Variants in BSN observed in about 807,000 individuals in gnomAD.
BSN encodes the protein protein bassoon.
BSN carries 57 observed loss-of-function variants against 264.8 expected under a neutral mutation model. The observed-to-expected ratio is 0.22, with a 90% CI of 0.17 to 0.27. The LOEUF is 0.27. BSN is among the 10% of genes least tolerant of loss of function. The probability of loss-of-function intolerance (pLI) is 1.00; values close to 1 mark genes in which losing one functional copy is unlikely to be tolerated. For missense variants in BSN, 4,615 were observed against 5,232.5 expected, an observed-to-expected ratio of 0.88 and a Z score of 3.64; for synonymous variants, 2,059 against 2,137.3, an observed-to-expected ratio of 0.96 and a Z score of 1.01.
intron 1 of BSN, among the ~76,000 whole-genome samples, chr3:49,610,121 G>T (rs2108044735): frequency 6.6e-6 from 1 of 152,230 alleles, no homozygotes; most frequent in South Asian, 2.1e-4. Context: ...GGTTTTCTGA[G>T]ACTCTGCCAG....
At chr3:49,667,151 A>G (rs1359568949) in intron 11 of BSN, among the ~76,000 whole-genome samples, 1 of 152,160 alleles carries the variant, frequency 6.6e-6, no homozygotes, top group African/African-American at 2.4e-5. Context: ...ATAGTTAAAG[A>G]AATCTCCCTT....
chr3:49,667,860 C>T lies in BSN; in HGVS notation c.*375C>T, dbSNP rs531601441. 3 of 152,626 alleles carry T rather than the reference C, an allele frequency of 2.0e-5. No individual in the cohort carries two copies. The highest frequency in any genetic ancestry group is 4.4e-5 in the Non-Finnish European group (3 of 68,038). The allele number at this position is 152,626 out of a possible 1,614,324, so 9.5% of individuals were successfully genotyped here. A position where few individuals can be genotyped will look rare whatever the true frequency, so the allele number is the denominator to read the frequency against. ...GGTGTCTTGCCGTACTTCCCACAGC[C>T]GCCTTTTTGCGGCCTGGCCGGCCAG... On this transcript the variant is annotated 3_prime_UTR_variant, in exon 12 of 12. Transcript: ENST00000296452.
chr3:49,659,184 T>A (rs898384220), intron 5 of BSN, among the ~76,000 whole-genome samples: 1 of 151,812 alleles, frequency 6.6e-6, no homozygotes, highest in African/African-American at 2.4e-5. Flanking sequence ...GAGGTGATAA[T>A]CTTGGGTAGT....
intron 1 of BSN, among the ~76,000 whole-genome samples, chr3:49,618,618 C>T (rs1029605902): frequency 3.9e-5 from 6 of 152,358 alleles, no homozygotes; most frequent in Admixed American, 3.9e-4. Flanking sequence ...CAATGACTTA[C>T]GTCTTCCAAG....
intron 3 of BSN, among the ~76,000 whole-genome samples, chr3:49,647,115 A>G (rs1273554407): frequency 6.6e-6 from 1 of 152,206 alleles, no homozygotes; most frequent in African/African-American, 2.4e-5. Flanking sequence ...CACCATAACC[A>G]TACTGGCATG....
In BSN at chr3:49,624,994, C is replaced by T. The variant is rs2052331447; in HGVS notation, c.244C>T (p.Pro82Ser). 6.5e-7 allele frequency: 1 copy of T among 1,530,406 alleles called. No individual in the cohort carries two copies. The highest frequency in any genetic ancestry group is 8.8e-7 in the Non-Finnish European group (1 of 1,140,596). The allele number at this position is 1,530,406 out of a possible 1,614,324, so 94.8% of individuals were successfully genotyped here. ...GPGSTSRRLDPKEPLGNQRAA... is the reference protein window; with the variant it reads ...GPGSTSRRLDSKEPLGNQRAA... ...TTTCAGCACTTCCCGGAGACTGGAC[C>T]CCAAGGAACCCCTGGGTAACCAGAG... Residue 82 changes from proline (P) to serine (S), a missense_variant, in exon 2 of 12, where the codon CCC (proline) becomes TCC (serine). Pro to Ser is a moderately conservative substitution (Grantham distance 74). Around this residue, in one of 3 missense-constraint regions of BSN, gnomAD observed 1,197 missense variants for 1,348.0 expected, o/e 0.89. Transcript: ENST00000296452.
chr3:49,607,838 G>A (rs1031210482), intron 1 of BSN, among the ~76,000 whole-genome samples: 2 of 152,236 alleles, frequency 1.3e-5, no homozygotes, highest in Admixed American at 6.5e-5. Flanking sequence ...GTATACCAGA[G>A]GGAGGGCCTC....
At position 49,658,165 on chromosome 3, in the gene BSN, T is replaced by C. The variant is rs749575409; in HGVS notation, c.8609T>C (p.Leu2870Pro). The part of the protein sequence containing the change: ...AEESAKERFS[L>P]YQHQGGLGSQ... ...GAGTCTGCCAAAGAGAGATTCTCCC[T>C]CTACCAGCACCAGGGGGGACTGGGT... The change falls in exon 5 of 12, where the codon CTC (leucine) becomes CCC (proline). Residue 2870 changes from leucine (L) to proline (P), a missense_variant. Around this residue, in one of 3 missense-constraint regions of BSN, gnomAD observed 3,415 missense variants for 3,866.4 expected, o/e 0.88. Transcript: ENST00000296452. 1.4e-5 allele frequency: 22 copies of C among 1,587,220 alleles called. No individual in the cohort carries two copies. The highest frequency in any genetic ancestry group is 1.7e-5 in the Non-Finnish European group (20 of 1,162,404).
rs1472432203 is a variant in BSN at position 49,655,114 on chromosome 3, C to A, written c.5558C>A (p.Ala1853Asp). The change falls in exon 5 of 12, where the codon GCT becomes GAT. Residue 1853 changes from alanine to aspartate, a missense_variant. By Grantham distance (126) the Ala-to-Asp change is moderately radical (BLOSUM62 -2). Around this residue, in one of 3 missense-constraint regions of BSN, gnomAD observed 3,415 missense variants for 3,866.4 expected, o/e 0.88. Coordinates refer to ENST00000296452, the MANE Select transcript of BSN (RefSeq NM_003458.4). ...RATPAELRSH[A>D]LPGARKPHTV... ...ACCCCTGCAGAGCTGCGGTCACATG[C>A]TCTGCCAGGTGCCAGGAAGCCACAC... 1.2e-6 allele frequency: 2 copies of A among 1,612,460 alleles called. No homozygotes were observed. Among genetic ancestry groups the A allele is most frequent in the African/African-American group, 1.3e-5 (1 of 74,944 alleles).
At chr3:49,597,884 C>G (rs1366547356) in intron 1 of BSN, among the ~76,000 whole-genome samples, 29 of 152,152 alleles carry the variant, frequency 1.9e-4, no homozygotes, top group Non-Finnish European at 2.9e-5. Context: ...ACCTCGTGAT[C>G]CACCTGCCTT....
At chr3:49,626,634 A>G (rs1406881941) in intron 2 of BSN, among the ~76,000 whole-genome samples, 2 of 152,220 alleles carry the variant, frequency 1.3e-5, no homozygotes, top group African/African-American at 4.8e-5. Flanking sequence ...GAACAATACG[A>G]TTAAGGCCAG....
rs148874931 is a variant in BSN at position 49,657,002 on chromosome 3, G to A, written c.7446G>A (p.Glu2482=). 112 of 1,610,248 alleles carry A rather than the reference G, an allele frequency of 7.0e-5. No individual in the cohort carries two copies. Among genetic ancestry groups the A allele is most frequent in the Admixed American group, 1.0e-4 (6 of 59,912 alleles). Residue 2482 remains glutamate (E), a synonymous_variant, in exon 5 of 12, where the codon GAG becomes GAA. Coordinates refer to ENST00000296452, the MANE Select transcript of BSN (RefSeq NM_003458.4). ...RQKAPFPAAC[E]APGRGPPLAA... ...AGGCTCCCTTTCCTGCAGCCTGTGA[G>A]GCACCTGGCCGAGGGCCTCCCCTAG...
chr3:49,650,317 T>TC (rs904988521), intron 3 of BSN, among the ~76,000 whole-genome samples: 1 of 152,094 alleles, frequency 6.6e-6, no homozygotes, highest in African/African-American at 2.4e-5. Flanking sequence ...GGCCCTCCCA[T>TC]CCCCCACAGT....
rs769512110 is a variant in BSN at position 49,661,821 on chromosome 3, A to G, written c.9976A>G (p.Arg3326Gly). The change falls in exon 6 of 12, where the codon AGG becomes GGG. Residue 3326 changes from arginine (R) to glycine (G), a missense_variant. Physicochemically the swap from Arg to Gly is moderately radical, Grantham distance 125. Coordinates refer to ENST00000296452, the MANE Select transcript of BSN (RefSeq NM_003458.4). ...CCACTACTATGGTGACAGTGACTAC[A>G]GGCATGGGGCTCGAGTAGAGAAGTA... ...STHYYGDSDY[R>G]HGARVEKYGP... 6.2e-7 allele frequency: 1 copy of G among 1,613,626 alleles called. No homozygotes were observed. Among genetic ancestry groups the G allele is most frequent in the Non-Finnish European group, 8.5e-7 (1 of 1,180,046 alleles).
chr3:49,606,104 A>C (rs539397037), intron 1 of BSN, among the ~76,000 whole-genome samples: 2 of 43,970 alleles, frequency 4.5e-5, no homozygotes, highest in African/African-American at 1.8e-4. Flanking sequence ...ATAACATATA[A>C]TATATAATAT....
intron 3 of BSN, among the ~76,000 whole-genome samples, chr3:49,647,788 C>G (rs777067263): frequency 6.6e-6 from 1 of 152,226 alleles, no homozygotes; most frequent in African/African-American, 2.4e-5. Flanking sequence ...CCACCCGATT[C>G]TCATTCCCCA....
Position 49,661,782 on chromosome 3 carries a change from C to T in BSN, c.9937C>T (p.Arg3313Ter), listed in dbSNP as rs1443878374. 2 of 1,613,340 alleles carry T rather than the reference C, an allele frequency of 1.2e-6. No individual in the cohort carries two copies. Among genetic ancestry groups the T allele is most frequent in the Non-Finnish European group, 1.7e-6 (2 of 1,180,040 alleles). ...GHLRSMESNGRPASTHYYGDS... is the reference protein window; with the variant it reads ...GHLRSMESNG ...CCTCCGGAGCATGGAGAGCAATGGTCGACCAGCCAGTACCCACTACTATGG... is the reference window on the plus strand; with the variant it reads ...CCTCCGGAGCATGGAGAGCAATGGTTGACCAGCCAGTACCCACTACTATGG... Residue 3313 changes from arginine (R) to a stop codon, truncating the protein, a stop_gained, in exon 6 of 12, where the codon CGA (arginine) becomes TGA (stop). Coordinates refer to ENST00000296452, the MANE Select transcript of BSN (RefSeq NM_003458.4). LOFTEE classifies it high-confidence loss of function.
Position 49,657,519 on chromosome 3 carries a change from G to T in BSN, c.7963G>T (p.Ala2655Ser). 6.2e-7 allele frequency: 1 copy of T among 1,613,188 alleles called. No individual in the cohort carries two copies. Among genetic ancestry groups the T allele is most frequent in the Non-Finnish European group, 8.5e-7 (1 of 1,180,014 alleles). Residue 2655 changes from alanine to serine, a missense_variant, in exon 5 of 12, where the codon GCT (alanine) becomes TCT (serine). Physicochemically the swap from Ala to Ser is moderately conservative, Grantham distance 99 (BLOSUM62 1). Transcript: ENST00000296452. ...TGCCACTGCCTCATCATCCAGTGCT[G>T]CTGCCACTGTGAGGGCCATGAGCAG... ...HDATASSSSA[A>S]ATVRAMSSVG...
In BSN at chr3:49,573,845, C is replaced by T. The variant is rs552361078; in HGVS notation, c.224+19019C>T. 6.6e-5 allele frequency among the ~76,000 whole-genome samples: 10 copies of T among 152,064 alleles called. No homozygotes were observed. The South Asian group carries it at 8.3e-4, about 13-fold the overall frequency. Reference sequence around the variant, plus strand: ...GATAATTTTGTATTTTTAGTAGAAACGGGGTTTCTCCATGTTGGTCAGGCT... The same window carrying T: ...GATAATTTTGTATTTTTAGTAGAAATGGGGTTTCTCCATGTTGGTCAGGCT... On this transcript the variant is annotated intron_variant, in intron 1 of 11. Transcript: ENST00000296452.
Sources: gnomAD v4.1 joint callset for allele counts (sites outside exome capture counted in the v4.1 genomes callset) on GRCh38, gnomAD v4.1.1 for gene constraint, gnomAD v4.1.1 regional missense constraint, MANE v1.5 for transcripts, NCBI Gene and HGNC (gene_info 2026-07-23, HGNC 2026-07-21) for gene names.